Variants in OGDH observed in about 807,000 individuals in gnomAD.
OGDH encodes oxoglutarate dehydrogenase.
OGDH carries 38 observed loss-of-function variants against 116.6 expected under a neutral mutation model. The ratio of observed to expected loss-of-function variants is 0.33; its 90% CI spans 0.25 to 0.43. The LOEUF (loss-of-function observed/expected upper bound fraction) is 0.43, where lower values mean the gene tolerates loss of function less well. OGDH is among the 20% of genes least tolerant of loss of function. The probability of loss-of-function intolerance (pLI) is 1.00; values close to 1 mark genes in which losing one functional copy is unlikely to be tolerated. For missense variants in OGDH, 825 were observed against 1,357.2 expected (o/e 0.61, Z 6.16); for synonymous variants, 488 against 533.3 (o/e 0.92, Z 1.17).
chr7:44,620,162 A>G (rs978104707), intron 1 of OGDH, among the ~76,000 whole-genome samples: 1 of 152,192 alleles, frequency 6.6e-6, no homozygotes, highest in Non-Finnish European at 1.5e-5. Context: ...CTGGGACTAC[A>G]GGCATGCATG....
chr7:44,689,261 G>A (rs1448149686), intron 10 of OGDH, among the ~76,000 whole-genome samples: 4 of 125,720 alleles, frequency 3.2e-5, no homozygotes, highest in Admixed American at 1.0e-4. Flanking sequence ...CGTCACCCAC[G>A]CTGGAGTGCA....
chr7:44,653,339 C>T (rs1375495940), intron 4 of OGDH, among the ~76,000 whole-genome samples: 3 of 151,880 alleles, frequency 2.0e-5, no homozygotes, highest in African/African-American at 4.8e-5. Flanking sequence ...GTGAGTCGCC[C>T]GTCTCGGACT....
chr7:44,689,228 T>TTTTTTG (rs1788265485), intron 10 of OGDH, among the ~76,000 whole-genome samples: 1 of 140,596 alleles, frequency 7.1e-6, no homozygotes, highest in African/African-American at 2.6e-5. Context: ...TTTTTTTTTT[T>TTTTTTG]TTTTTGAGAC....
chr7:44,661,724 C>T (rs1234609200), intron 4 of OGDH, among the ~76,000 whole-genome samples: 1 of 152,008 alleles, frequency 6.6e-6, no homozygotes, highest in Non-Finnish European at 1.5e-5. Context: ...GCCTCAGCCT[C>T]CTGAGTAGCT....
chr7:44,701,485 C>A, intron 19 of OGDH, 58 bp from the exon 20 acceptor site: 1 of 1,519,400 alleles, frequency 6.6e-7, no homozygotes, highest in African/African-American at 1.4e-5. Flanking sequence ...TGCTTTTGAC[C>A]TTCCTTCTGG....
Position 44,694,552 on chromosome 7 carries a change from T to C in OGDH, c.1644T>C (p.Gly548=). Residue 548 remains glycine, a synonymous_variant, in exon 12 of 23, where the codon GGT becomes GGC. Coordinates refer to ENST00000222673, the MANE Select transcript of OGDH (RefSeq NM_002541.4). The surrounding 1 kb of genome is among the most constrained non-coding windows in gnomAD (Gnocchi z 4.2). The part of the protein sequence containing the change: ...QKYAELLVSQ[G]VVNQPEYEEE... The stretch of plus-strand genomic sequence containing the variant: ...ACGCTGAGCTGCTGGTGTCGCAGGG[T>C]GTGGTCAACCAGCCTGAGTATGAGG... 1 of 1,613,922 alleles carries C rather than the reference T, an allele frequency of 6.2e-7. No individual in the cohort carries two copies. The highest frequency in any genetic ancestry group is 8.5e-7 in the Non-Finnish European group (1 of 1,180,000).
intron 6 of OGDH, 142 bp downstream of exon 6, chr7:44,674,083 G>A: frequency 1.1e-6 from 1 of 937,524 alleles, no homozygotes; most frequent in Non-Finnish European, 1.6e-6. Context: ...ATCTGCACAT[G>A]TGTGAAGAGA....
In OGDH at chr7:44,681,594, C is replaced by G; in HGVS notation, c.1207-126C>G. Reference sequence around the variant, plus strand: ...TGGGGCCCTGTGGACTTTCCTGCTACTTTCTATGTTTGAAATTATCTCAAA... The same window carrying G: ...TGGGGCCCTGTGGACTTTCCTGCTAGTTTCTATGTTTGAAATTATCTCAAA... On this transcript the variant is annotated intron_variant, in intron 9 of 22. Coordinates refer to ENST00000222673, the MANE Select transcript of OGDH (RefSeq NM_002541.4). 3.7e-6 allele frequency: 5 copies of G among 1,356,948 alleles called. No homozygotes were observed. In the South Asian group the frequency reaches 6.9e-5, roughly 19 times the overall value. The allele number at this position is 1,356,948 out of a possible 1,614,324, so 84.1% of individuals were successfully genotyped here. A position where few individuals can be genotyped will look rare whatever the true frequency, so the allele number is the denominator to read the frequency against.
chr7:44,672,260 T>A (rs925081905), intron 5 of OGDH, among the ~76,000 whole-genome samples: 1 of 152,156 alleles, frequency 6.6e-6, no homozygotes, highest in African/African-American at 2.4e-5. Context: ...ACGGAGCTTG[T>A]GTACAGGGAT....
rs1175741464 is a variant in OGDH, at chr7:44,672,637, G to GTTTTTTTTTTT, written c.634-1144_634-1143insTTTTTTTTTTT. Among the ~76,000 whole-genome samples, 32 of 135,828 alleles carry GTTTTTTTTTTT rather than the reference G, an allele frequency of 2.4e-4. 2 individuals carry two copies. The highest frequency in any genetic ancestry group is 7.2e-4 in the African/African-American group (24 of 33,172). 89.1% of individuals were successfully genotyped at this position (135,828 alleles called of 152,430 possible). A position where few individuals can be genotyped will look rare whatever the true frequency, so the allele number is the denominator to read the frequency against. Reference sequence around the variant, plus strand: ...GGCAGCCCGAGAGGGATTTCTTTTTGTTTTTTGTTTTTTTTTTTTTTTTGA... The same window carrying GTTTTTTTTTTT: ...GGCAGCCCGAGAGGGATTTCTTTTTGTTTTTTTTTTTTTTTTTGTTTTTTTTTTTTTTTTGA... On this transcript the variant is annotated intron_variant, in intron 5 of 22. Coordinates refer to ENST00000222673, the MANE Select transcript of OGDH (RefSeq NM_002541.4).
intron 10 of OGDH, among the ~76,000 whole-genome samples, chr7:44,684,227 A>G (rs7797184): frequency 0.063 from 9,593 of 152,188 alleles, 377 homozygotes; most frequent in Middle Eastern, 0.095. Context: ...AAAGCTCCCA[A>G]TGGCATTGGG....
At chr7:44,638,180 A>G (rs193239796) in intron 2 of OGDH, among the ~76,000 whole-genome samples, 3 of 152,326 alleles carry the variant, frequency 2.0e-5, no homozygotes, top group Admixed American at 1.3e-4. Flanking sequence ...TTACGTTATT[A>G]GTTGTGCAAC....
intron 2 of OGDH, among the ~76,000 whole-genome samples, chr7:44,640,775 A>G (rs965998533): frequency 2.0e-5 from 3 of 152,154 alleles, no homozygotes; most frequent in Non-Finnish European, 4.4e-5. Context: ...TTGTGGCCCC[A>G]GGGAACTAAG....
chr7:44,631,743 C>T (rs1785447492), intron 2 of OGDH, among the ~76,000 whole-genome samples: 1 of 152,176 alleles, frequency 6.6e-6, no homozygotes, highest in African/African-American at 2.4e-5. Context: ...AGCAGTCTTG[C>T]CCTGTTATCC....
intron 1 of OGDH, among the ~76,000 whole-genome samples, chr7:44,609,467 G>A (rs1182369820): frequency 6.7e-6 from 1 of 148,348 alleles, no homozygotes; most frequent in African/African-American, 2.5e-5. Context: ...CCGAGATCGC[G>A]CCACTGCACT....
intron 1 of OGDH, among the ~76,000 whole-genome samples, chr7:44,619,754 A>G (rs1195853871): frequency 6.6e-6 from 1 of 151,872 alleles, no homozygotes; most frequent in Non-Finnish European, 1.5e-5. Context: ...GTGGACATAC[A>G]TTTTCATTTC....
At position 44,700,238 on chromosome 7, in the gene OGDH, G is replaced by A. The variant is rs1383949137; in HGVS notation, c.2528G>A (p.Arg843Gln). The A allele has an allele frequency of 1.2e-6, 2 of 1,614,196 alleles. No individual in the cohort carries two copies. The highest frequency in any genetic ancestry group is 1.7e-6 in the Non-Finnish European group (2 of 1,180,024). ...STPGNFFHVLRRQILLPFRKP... is the reference protein window; with the variant it reads ...STPGNFFHVLQRQILLPFRKP... ...CCTGGCAACTTCTTCCACGTGCTAC[G>A]ACGCCAGATCCTGCTGCCATTCCGG... Residue 843 changes from arginine (R) to glutamine (Q), a missense_variant, in exon 19 of 23, where the codon CGA becomes CAA. Physicochemically the swap from Arg to Gln is conservative, Grantham distance 43. Around this residue, in one of 7 missense-constraint regions of OGDH, gnomAD observed 212 missense variants for 284.3 expected, o/e 0.75. Coordinates refer to ENST00000222673, the MANE Select transcript of OGDH (RefSeq NM_002541.4).
chr7:44,614,538 G>C (rs1784695908), intron 1 of OGDH, among the ~76,000 whole-genome samples: 1 of 151,806 alleles, frequency 6.6e-6, no homozygotes, highest in Non-Finnish European at 1.5e-5. Context: ...GCCTTGTTCT[G>C]TCTTCAAGTT....
chr7:44,668,387 G>T (rs768192087), intron 5 of OGDH, among the ~76,000 whole-genome samples: 1 of 152,114 alleles, frequency 6.6e-6, no homozygotes, highest in Admixed American at 6.6e-5. Context: ...AGTGAGCGAA[G>T]ATCGCGCCAC....
Sources: gnomAD v4.1 joint callset for allele counts (sites outside exome capture counted in the v4.1 genomes callset) on GRCh38, gnomAD v4.1.1 for gene constraint, gnomAD v4.1.1 regional missense constraint, Gnocchi (gnomAD v3.1) non-coding constraint, MANE v1.5 for transcripts, NCBI Gene and HGNC (gene_info 2026-07-23, HGNC 2026-07-21) for gene names.